The following PIK3CB variants were observed in gnomAD, a reference collection of about 807,000 sequenced individuals.
The protein encoded by PIK3CB is phosphatidylinositol 4,5-bisphosphate 3-kinase catalytic subunit beta isoform.
In PIK3CB, 39 loss-of-function variants were observed where a neutral mutation model predicts 136.8. That is an observed-to-expected ratio of 0.29 (90% confidence interval 0.22 to 0.37). PIK3CB has a LOEUF of 0.37. Ranked by LOEUF, PIK3CB falls within the 10% of genes least tolerant of loss-of-function variation. PIK3CB has a pLI of 1.00. For missense variants in PIK3CB, 868 were observed against 1,275.4 expected (o/e 0.68, Z 4.87); for synonymous variants, 428 against 436.6 (o/e 0.98, Z 0.25).
chr3:138,664,929 A>G, intron 20 of PIK3CB, 107 bp downstream of exon 20: 1 of 652,632 alleles, frequency 1.5e-6, no homozygotes, highest in Non-Finnish European at 2.4e-6. Context: ...GCAATAGATA[A>G]AAAACACTAA....
intron 1 of PIK3CB, among the ~76,000 whole-genome samples, chr3:138,800,137 C>T (rs1284856949): frequency 9.9e-5 from 15 of 152,116 alleles, no homozygotes; most frequent in Non-Finnish European, 1.8e-4. Context: ...ATAACATTTA[C>T]GTTTTAACTC....
intron 2 of PIK3CB, among the ~76,000 whole-genome samples, chr3:138,788,158 G>C (rs2046002305): frequency 6.6e-6 from 1 of 151,442 alleles, no homozygotes; most frequent in Admixed American, 6.6e-5. Context: ...CCTGACCTCA[G>C]GTGGTCTGCC....
At chr3:138,670,432 G>A (rs2043510196) in intron 19 of PIK3CB, among the ~76,000 whole-genome samples, 1 of 152,142 alleles carries the variant, frequency 6.6e-6, no homozygotes, top group South Asian at 2.1e-4. Context: ...GATCAGTCAA[G>A]TAAAAACATA....
chr3:138,815,264 G>GGA (rs994772097), intron 1 of PIK3CB, among the ~76,000 whole-genome samples: 25 of 144,724 alleles, frequency 1.7e-4, no homozygotes, highest in Admixed American at 5.6e-4. Context: ...GGCTCAGGTG[G>GGA]GAGGATGCCT....
In PIK3CB at chr3:138,817,210, C is replaced by T. The variant is rs563551557; in HGVS notation, c.-122+17485G>A. 1.0e-3 allele frequency among the ~76,000 whole-genome samples: 155 copies of T among 152,190 alleles called. No individual in the cohort carries two copies. The South Asian group carries it at 0.012, about 12-fold the overall frequency. On this transcript the variant is annotated intron_variant, in intron 1 of 23. Coordinates refer to ENST00000674063, the MANE Select transcript of PIK3CB (RefSeq NM_006219.3). ...AAAATTAGCCGGGCGAGGTGGTGGG[C>T]GCCTGTAGTCCCAGCTACTCAGGAG...
chr3:138,814,915 A>C (rs1309980711), intron 1 of PIK3CB, among the ~76,000 whole-genome samples: 6 of 151,972 alleles, frequency 3.9e-5, no homozygotes, highest in African/African-American at 1.4e-4. Context: ...AGGCAGGCGG[A>C]TCATGAGGTC....
intron 2 of PIK3CB, among the ~76,000 whole-genome samples, chr3:138,783,367 A>G (rs1420491563): frequency 6.6e-6 from 1 of 151,826 alleles, no homozygotes; most frequent in Non-Finnish European, 1.5e-5. Context: ...CTGCATCGTC[A>G]ACCTCTGGAG....
intron 23 of PIK3CB, among the ~76,000 whole-genome samples, chr3:138,655,861 C>A (rs1414682586): frequency 2.6e-5 from 4 of 152,152 alleles, no homozygotes; most frequent in African/African-American, 7.2e-5. Context: ...GGTGGCAACC[C>A]GCTCCTGATC....
chr3:138,825,809 C>A, intron 1 of PIK3CB: 1 of 971,146 alleles, frequency 1.0e-6, no homozygotes, highest in Non-Finnish European at 1.6e-6. Flanking sequence ...ACAACTGAAG[C>A]AGTCTGTTGA....
At chr3:138,710,290 T>C (rs544697183) in intron 10 of PIK3CB, among the ~76,000 whole-genome samples, 24 of 151,782 alleles carry the variant, frequency 1.6e-4, no homozygotes, top group Non-Finnish European at 3.1e-4. Context: ...CTGGAGAGGA[T>C]AGGAATAGAA....
chr3:138,795,002 G>A (rs1384527023), intron 2 of PIK3CB, among the ~76,000 whole-genome samples: 1 of 149,510 alleles, frequency 6.7e-6, no homozygotes, highest in African/African-American at 2.6e-5. Context: ...CTGAGTGACA[G>A]ACTGAGACCC....
chr3:138,656,035 AG>A (rs2043185884), intron 23 of PIK3CB, 106 bp downstream of exon 23: 4 of 1,134,306 alleles, frequency 3.5e-6, no homozygotes, highest in South Asian at 2.9e-5. Flanking sequence ...ACCATCTTAG[AG>A]GAAATGACTT....
chr3:138,659,161 C>T (rs1293842321), intron 21 of PIK3CB, among the ~76,000 whole-genome samples: 1 of 152,154 alleles, frequency 6.6e-6, no homozygotes, highest in Admixed American at 6.5e-5. Flanking sequence ...GACTACCCCA[C>T]CCCCCAGTTA....
chr3:138,793,393 G>T (rs1345919330), intron 2 of PIK3CB, among the ~76,000 whole-genome samples: 2 of 152,100 alleles, frequency 1.3e-5, no homozygotes, highest in African/African-American at 2.4e-5. Context: ...ATCCCGCGAG[G>T]TGAGGAGTTT....
chr3:138,759,131 C>T, intron 3 of PIK3CB, 42 bp downstream of exon 3: 2 of 1,207,866 alleles, frequency 1.7e-6, no homozygotes, highest in Non-Finnish European at 2.3e-6. Flanking sequence ...CCCCAAGTGA[C>T]ACAGTATGCT....
chr3:138,703,930 T>C (rs1368051660), intron 12 of PIK3CB, among the ~76,000 whole-genome samples: 1 of 152,176 alleles, frequency 6.6e-6, no homozygotes, highest in Non-Finnish European at 1.5e-5. Context: ...TGAATAAGAA[T>C]GGGGTGTGAC....
intron 12 of PIK3CB, among the ~76,000 whole-genome samples, chr3:138,701,561 C>G (rs1026587125): frequency 6.6e-6 from 1 of 151,876 alleles, no homozygotes; most frequent in Non-Finnish European, 1.5e-5. Context: ...CCGAGACGGG[C>G]AGATCACGGG....
rs973976406 is a variant in PIK3CB at position 138,712,291 on chromosome 3, G to T, written c.1316C>A (p.Ala439Glu). 3.2e-6 allele frequency: 5 copies of T among 1,542,952 alleles called. No individual in the cohort carries two copies. The highest frequency in any genetic ancestry group is 4.4e-6 in the Non-Finnish European group (5 of 1,132,598). Reference sequence around the variant, plus strand: ...GTCAAAAACCATCGTATTTACCCACGCTACAGGATAATGCTGTTGAAAAAG... The same window carrying T: ...GTCAAAAACCATCGTATTTACCCACTCTACAGGATAATGCTGTTGAAAAAG... The part of the protein sequence containing the change: ...RKAGKVHYPV[A>E]WVNTMVFDFK... Residue 439 changes from alanine (A) to glutamate (E), a missense_variant, in exon 10 of 24, where the codon GCG (alanine) becomes GAG (glutamate). Around this residue, in one of 4 missense-constraint regions of PIK3CB, gnomAD observed 612 missense variants for 801.1 expected, o/e 0.76. Transcript: ENST00000674063.
chr3:138,693,743 T>C (rs1427006168), intron 14 of PIK3CB, among the ~76,000 whole-genome samples: 2 of 151,658 alleles, frequency 1.3e-5, no homozygotes, highest in Non-Finnish European at 2.9e-5. Context: ...CTAATGCATA[T>C]GGCAAGACAC....
Sources: gnomAD v4.1 joint callset for allele counts (sites outside exome capture counted in the v4.1 genomes callset) on GRCh38, gnomAD v4.1.1 for gene constraint, gnomAD v4.1.1 regional missense constraint, MANE v1.5 for transcripts, NCBI Gene and HGNC (gene_info 2026-07-23, HGNC 2026-07-21) for gene names.